ARHGAP35: variants seen among roughly 807,000 people sequenced by gnomAD.
ARHGAP35 encodes rho GTPase-activating protein 35.
In ARHGAP35, 15 loss-of-function variants were observed where a neutral mutation model predicts 111.1. The observed-to-expected ratio is 0.13, with a 90% CI of 0.09 to 0.21. ARHGAP35 has a LOEUF of 0.21. ARHGAP35 is among the 10% of genes least tolerant of loss of function. ARHGAP35 has a pLI of 1.00. For missense variants in ARHGAP35, 1,262 were observed against 1,873.0 expected (o/e 0.67, Z 6.02); for synonymous variants, 643 against 710.3 (o/e 0.91, Z 1.51).
intron 1 of ARHGAP35, among the ~76,000 whole-genome samples, chr19:46,913,700 G>A (rs1291245854): frequency 1.3e-5 from 2 of 152,156 alleles, no homozygotes; most frequent in East Asian, 3.9e-4. Flanking sequence ...GAAGTCCTGT[G>A]TTTCTGTTTT....
intron 3 of ARHGAP35, among the ~76,000 whole-genome samples, chr19:46,974,827 G>T (rs1282275777): frequency 6.6e-6 from 1 of 152,100 alleles, no homozygotes; most frequent in Admixed American, 6.6e-5. Context: ...CTATCTAGGG[G>T]CCCACAAGAG....
At chr19:46,963,889 A>G (rs1294761608) in intron 3 of ARHGAP35, among the ~76,000 whole-genome samples, 1 of 152,014 alleles carries the variant, frequency 6.6e-6, no homozygotes, top group Non-Finnish European at 1.5e-5. Flanking sequence ...ATTTTTTGAG[A>G]TGGAATCTTG....
chr19:46,881,033 C>T, intron 1 of ARHGAP35, among the ~76,000 whole-genome samples: 1 of 151,666 alleles, frequency 6.6e-6, no homozygotes, highest in East Asian at 1.9e-4. Flanking sequence ...CAATCTCCGC[C>T]TCCTGGGTTC....
At chr19:46,872,084 A>G (rs1287996617) in intron 1 of ARHGAP35, among the ~76,000 whole-genome samples, 1 of 152,192 alleles carries the variant, frequency 6.6e-6, no homozygotes, top group Admixed American at 6.5e-5. Flanking sequence ...GAATGTTTAT[A>G]AATTTAAAAA....
intron 1 of ARHGAP35, among the ~76,000 whole-genome samples, chr19:46,877,164 G>A (rs929862463): frequency 4.0e-5 from 6 of 148,956 alleles, no homozygotes; most frequent in African/African-American, 1.5e-4. Context: ...CAGGAGAATC[G>A]CTTGATGAAA....
intron 1 of ARHGAP35, among the ~76,000 whole-genome samples, chr19:46,910,260 A>G (rs1421663390): frequency 1.3e-5 from 2 of 151,948 alleles, no homozygotes; most frequent in Non-Finnish European, 2.9e-5. Flanking sequence ...CCACAGGCAC[A>G]TGCCACCATG....
chr19:46,862,298 T>G (rs1340114061), intron 1 of ARHGAP35, among the ~76,000 whole-genome samples: 2 of 152,122 alleles, frequency 1.3e-5, no homozygotes, highest in Non-Finnish European at 2.9e-5. Context: ...CAGCCCGTGT[T>G]CTCTTGGAGG....
chr19:46,991,560 C>G (rs2056679386), intron 5 of ARHGAP35, among the ~76,000 whole-genome samples: 1 of 152,176 alleles, frequency 6.6e-6, no homozygotes, highest in Non-Finnish European at 1.5e-5. Flanking sequence ...GTGGAGGTTT[C>G]CCACTTCCTC....
At chr19:46,925,888 C>T (rs2056235196) in intron 2 of ARHGAP35, among the ~76,000 whole-genome samples, 1 of 152,100 alleles carries the variant, frequency 6.6e-6, no homozygotes, top group Admixed American at 6.6e-5. Context: ...TAACTAGACC[C>T]CAGAGAATGA....
chr19:46,890,859 C>T (rs2056020261), intron 1 of ARHGAP35, among the ~76,000 whole-genome samples: 1 of 152,222 alleles, frequency 6.6e-6, no homozygotes, highest in African/African-American at 2.4e-5. Flanking sequence ...CTTAGTCACT[C>T]AGGAGGTATT....
At chr19:46,929,937 A>G (rs2122214366) in intron 2 of ARHGAP35, among the ~76,000 whole-genome samples, 1 of 151,694 alleles carries the variant, frequency 6.6e-6, no homozygotes, top group Non-Finnish European at 1.5e-5. Context: ...AAATTAAAAA[A>G]ATTTTTTAAA....
rs1028334219 is a variant in ARHGAP35 at position 47,003,316 on chromosome 19, G to A, written c.*2628G>A. ...AAGTTCTGGAAGGTGTGTGCACAGA[G>A]GGTGCTCATGGGACTCGCATGCAGC... On this transcript the variant is annotated 3_prime_UTR_variant, in exon 7 of 7. Coordinates refer to ENST00000672722, the MANE Select transcript of ARHGAP35 (RefSeq NM_004491.5). The A allele has an allele frequency of 1.3e-5, 2 of 152,314 alleles. No homozygotes were observed. The highest frequency in any genetic ancestry group is 4.8e-5 in the African/African-American group (2 of 41,464). The allele number at this position is 152,314 out of a possible 1,614,324, so 9.4% of individuals were successfully genotyped here. A position where few individuals can be genotyped will look rare whatever the true frequency, so the allele number is the denominator to read the frequency against.
At chr19:46,961,692 G>A (rs1038874957) in intron 3 of ARHGAP35, among the ~76,000 whole-genome samples, 9 of 152,194 alleles carry the variant, frequency 5.9e-5, no homozygotes, top group African/African-American at 2.2e-4. Context: ...AACTTTAGGA[G>A]GCCGAGGCAG....
At chr19:46,890,689 A>T (rs1327869711) in intron 1 of ARHGAP35, among the ~76,000 whole-genome samples, 1 of 152,254 alleles carries the variant, frequency 6.6e-6, no homozygotes, top group Non-Finnish European at 1.5e-5. Flanking sequence ...GTAACAGATT[A>T]GGTGTTTGGG....
chr19:46,879,522 G>A (rs569193487), intron 1 of ARHGAP35, among the ~76,000 whole-genome samples: 1 of 151,816 alleles, frequency 6.6e-6, no homozygotes, highest in Non-Finnish European at 1.5e-5. Flanking sequence ...GGGAGGAAGA[G>A]GTTGCAGTGA....
intron 3 of ARHGAP35, among the ~76,000 whole-genome samples, chr19:46,957,338 G>A (rs902842740): frequency 6.6e-6 from 1 of 152,104 alleles, no homozygotes; most frequent in African/African-American, 2.4e-5. Context: ...AAACTGTTAA[G>A]TAGGGCTGGG....
Position 47,004,205 on chromosome 19 carries a change from G to A in ARHGAP35, c.*3517G>A, listed in dbSNP as rs1457849858. On this transcript the variant is annotated 3_prime_UTR_variant, in exon 7 of 7. Coordinates refer to ENST00000672722, the MANE Select transcript of ARHGAP35 (RefSeq NM_004491.5). ...CGGCTTCGTGGCTCTGAGGTGTAAC[G>A]GGGGTGGGCTCCCTCCCTCGGAGGA... 1.3e-5 allele frequency: 2 copies of A among 152,240 alleles called. No homozygotes were observed. Among genetic ancestry groups the A allele is most frequent in the Non-Finnish European group, 2.9e-5 (2 of 68,100 alleles). The allele number at this position is 152,240 out of a possible 1,614,324, so 9.4% of individuals were successfully genotyped here.
At chr19:46,893,626 C>T (rs1180456504) in intron 1 of ARHGAP35, among the ~76,000 whole-genome samples, 3 of 151,570 alleles carry the variant, frequency 2.0e-5, no homozygotes, top group Non-Finnish European at 4.4e-5. Flanking sequence ...CTTGGTTTTG[C>T]CCCCCTTGGT....
intron 1 of ARHGAP35, among the ~76,000 whole-genome samples, chr19:46,913,522 T>TAA (rs1444382174): frequency 6.6e-6 from 1 of 152,118 alleles, no homozygotes. Flanking sequence ...GTGTCTTGGT[T>TAA]AAACAAATCA....
Sources: allele counts gnomAD v4.1 joint callset (sites outside exome capture counted in the v4.1 genomes callset), GRCh38; gene constraint gnomAD v4.1.1; transcripts MANE v1.5; gene names NCBI Gene and HGNC (gene_info 2026-07-23, HGNC 2026-07-21).